VDAC1: variants seen among roughly 807,000 people sequenced by gnomAD.
VDAC1 encodes the protein non-selective voltage-gated ion channel VDAC1.
VDAC1 carries 10 observed loss-of-function variants against 34.7 expected under a neutral mutation model. The observed-to-expected ratio is 0.29, with a 90% CI of 0.18 to 0.49. The LOEUF is 0.49. Among genes scored for constraint, VDAC1 ranks in the 20% least tolerant of loss-of-function variants. The pLI, the probability that VDAC1 is intolerant of heterozygous loss-of-function variation, is 0.99. For missense variants in VDAC1, 230 were observed against 347.9 expected (o/e 0.66, Z 2.69); for synonymous variants, 130 against 136.0 (o/e 0.96, Z 0.30).
chr5:134,107,328 C>T, the VDAC1 span, among the ~76,000 whole-genome samples: 2 of 152,262 alleles, frequency 1.3e-5, no homozygotes, highest in African/African-American at 4.8e-5. Context: ...AGGGAGCTCA[C>T]TGCCTCTGCT....
rs974566334 is a variant in VDAC1 at position 133,991,306 on chromosome 5, G to A, written c.118-152C>T. On this transcript the variant is annotated intron_variant, in intron 3 of 8. Transcript: ENST00000265333. Reference sequence around the variant, plus strand: ...TCTACAATTCAAATAGATATTTAAAGTACAGATGGGAGTAAAGGAGCCTGC... The same window carrying A: ...TCTACAATTCAAATAGATATTTAAAATACAGATGGGAGTAAAGGAGCCTGC... The A allele has an allele frequency of 4.1e-6, 4 of 970,472 alleles. No individual in the cohort carries two copies. The African/African-American group carries it at 6.6e-5, about 16-fold the overall frequency. 60.1% of individuals were successfully genotyped at this position (970,472 alleles called of 1,614,324 possible).
the VDAC1 span, among the ~76,000 whole-genome samples, chr5:134,075,566 TTTTG>T: frequency 3.0e-4 from 45 of 152,256 alleles, no homozygotes; most frequent in South Asian, 8.3e-4. Flanking sequence ...GATACTGGTT[TTTTG>T]TTTGTTTGTT....
At chr5:133,975,666 C>G (rs1476034764) in intron 7 of VDAC1, among the ~76,000 whole-genome samples, 1 of 151,888 alleles carries the variant, frequency 6.6e-6, no homozygotes, top group Non-Finnish European at 1.5e-5. Context: ...ACCGTGTTGG[C>G]GAGGCTGGTG....
chr5:133,986,334 A>C (rs890925988), intron 5 of VDAC1, among the ~76,000 whole-genome samples: 2 of 151,990 alleles, frequency 1.3e-5, no homozygotes, highest in Non-Finnish European at 2.9e-5. Flanking sequence ...AATCTCCATG[A>C]TGCACCACCA....
At chr5:134,050,357 A>G in the VDAC1 span, among the ~76,000 whole-genome samples, 337 of 152,278 alleles carry the variant, frequency 2.2e-3, 1 homozygote, top group African/African-American at 7.5e-3. Flanking sequence ...TAATAATTCT[A>G]TTTTCTAGTG....
chr5:134,095,518 A>C, the VDAC1 span, among the ~76,000 whole-genome samples: 373 of 150,550 alleles, frequency 2.5e-3, 1 homozygote, highest in African/African-American at 9.0e-3. Context: ...ATAAATAAAT[A>C]AATAAATCCA....
chr5:134,075,129 T>G, the VDAC1 span, among the ~76,000 whole-genome samples: 1 of 152,250 alleles, frequency 6.6e-6, no homozygotes, highest in Non-Finnish European at 1.5e-5. Context: ...GCTGCTACTA[T>G]TCACAGTACT....
chr5:134,055,226 G>A, the VDAC1 span, among the ~76,000 whole-genome samples: 1 of 152,176 alleles, frequency 6.6e-6, no homozygotes, highest in African/African-American at 2.4e-5. Context: ...GGGTGGATAT[G>A]GGATGTCTGT....
the VDAC1 span, among the ~76,000 whole-genome samples, chr5:134,104,056 G>A: frequency 6.6e-6 from 1 of 152,312 alleles, no homozygotes; most frequent in South Asian, 2.1e-4. Context: ...CCCTGGCCTG[G>A]GTCCCGAAAT....
At chr5:134,011,881 C>A in the VDAC1 span, among the ~76,000 whole-genome samples, 3 of 151,708 alleles carry the variant, frequency 2.0e-5, no homozygotes, top group African/African-American at 7.3e-5. Flanking sequence ...CTCAGATGAT[C>A]CACCCACTTC....
At chr5:133,984,167 C>G (rs893875574) in intron 5 of VDAC1, among the ~76,000 whole-genome samples, 1 of 152,066 alleles carries the variant, frequency 6.6e-6, no homozygotes, top group African/African-American at 2.4e-5. Context: ...GTGATCCTCC[C>G]ACCTCAGCCT....
chr5:134,011,681 C>T, the VDAC1 span, among the ~76,000 whole-genome samples: 1 of 151,340 alleles, frequency 6.6e-6, no homozygotes, highest in East Asian at 1.9e-4. Flanking sequence ...ACTCTGTCAC[C>T]CTGGCTGGAG....
the VDAC1 span, among the ~76,000 whole-genome samples, chr5:134,054,501 C>T: frequency 1.1e-4 from 14 of 125,924 alleles, no homozygotes; most frequent in East Asian, 2.0e-3. Context: ...CGCTCTGTTG[C>T]CCAGGCTGGA....
intron 5 of VDAC1, among the ~76,000 whole-genome samples, chr5:133,990,283 G>A (rs1184349764): frequency 6.6e-6 from 1 of 152,216 alleles, no homozygotes; most frequent in Non-Finnish European, 1.5e-5. Flanking sequence ...AGGAAGCTGG[G>A]AGAAGGACTT....
the VDAC1 span, among the ~76,000 whole-genome samples, chr5:134,114,119 AG>A: frequency 6.6e-6 from 1 of 152,196 alleles, no homozygotes; most frequent in Non-Finnish European, 1.5e-5. Context: ...AAATGTGCGA[AG>A]GGGGGTATAC....
intron 5 of VDAC1, among the ~76,000 whole-genome samples, chr5:133,983,257 A>AC (rs1752769734): frequency 6.6e-6 from 1 of 152,010 alleles, no homozygotes; most frequent in African/African-American, 2.4e-5. Flanking sequence ...TTTAAAAAAA[A>AC]AAAAAAAGAA....
At chr5:134,042,400 G>T in the VDAC1 span, among the ~76,000 whole-genome samples, 1 of 152,326 alleles carries the variant, frequency 6.6e-6, no homozygotes, top group Non-Finnish European at 1.5e-5. Flanking sequence ...CATGCTGGGT[G>T]CCCAGGCTAG....
chr5:134,066,725 G>A, the VDAC1 span, among the ~76,000 whole-genome samples: 7 of 152,268 alleles, frequency 4.6e-5, no homozygotes, highest in Admixed American at 1.3e-4. Context: ...GATAGATGAT[G>A]TAGCTCCTGT....
chr5:133,998,300 A>C (rs969897539), intron 1 of VDAC1, among the ~76,000 whole-genome samples: 1 of 152,270 alleles, frequency 6.6e-6, no homozygotes, highest in African/African-American at 2.4e-5. Flanking sequence ...CTTCAAATCG[A>C]ATTTTCATTT....
Sources: gnomAD v4.1 joint callset for allele counts (sites outside exome capture counted in the v4.1 genomes callset) on GRCh38, gnomAD v4.1.1 for gene constraint, MANE v1.5 for transcripts, NCBI Gene and HGNC (gene_info 2026-07-23, HGNC 2026-07-21) for gene names.